Variants in RNF115 observed in about 807,000 individuals in gnomAD.
RNF115 encodes the protein ring finger protein 115, also known as E3 ubiquitin-protein ligase RNF115.
In RNF115, 31 loss-of-function variants were observed where a neutral mutation model predicts 39.2. The ratio of observed to expected loss-of-function variants is 0.79; its 90% confidence interval spans 0.59 to 1.07. RNF115 has a LOEUF of 1.07. Ranked by LOEUF, RNF115 falls within the 50% of genes least tolerant of loss-of-function variation. The pLI, the probability that RNF115 is intolerant of heterozygous loss-of-function variation, is 0.00. For synonymous variants in RNF115, 124 were observed against 131.0 expected (o/e 0.95, Z 0.37); for missense variants, 384 against 381.7 (o/e 1.01, Z -0.05).
chr1:145,750,586 T>C, intron 6 of RNF115, 86 bp from the exon 7 acceptor site: 2 of 989,318 alleles, frequency 2.0e-6, no homozygotes, highest in Non-Finnish European at 1.6e-6. Context: ...GAACAAACAG[T>C]GCAGACATTA....
chr1:145,792,856 C>T (rs587718390), intron 1 of RNF115, among the ~76,000 whole-genome samples: 2 of 152,152 alleles, frequency 1.3e-5, no homozygotes, highest in African/African-American at 4.8e-5. Context: ...AGAAACTCAA[C>T]CTTTTTTCTC....
intron 1 of RNF115, among the ~76,000 whole-genome samples, chr1:145,794,253 C>G (rs1648828922): frequency 6.6e-6 from 1 of 152,100 alleles, no homozygotes; most frequent in African/African-American, 2.4e-5. Context: ...TGTCATTACC[C>G]AGCTTAAAAT....
intron 3 of RNF115, among the ~76,000 whole-genome samples, chr1:145,775,396 C>CTT (rs782425915): frequency 6.6e-5 from 9 of 137,092 alleles, no homozygotes; most frequent in East Asian, 2.1e-4. Context: ...TGAATGTGGC[C>CTT]TTTTTTTTTT....
In RNF115 at chr1:145,751,514, T is replaced by C; in HGVS notation, c.501-4A>G. ...GTTGGAGTGCAGCATCCCGCTCCTA[T>C]ACGTGAGATGAGATAGACAGCATTA... On this transcript the variant is annotated splice_region_variant and splice_polypyrimidine_tract_variant and intron_variant, in intron 5 of 8. Coordinates refer to ENST00000582693, the MANE Select transcript of RNF115 (RefSeq NM_014455.4). 6.3e-7 allele frequency: 1 copy of C among 1,591,360 alleles called. No individual in the cohort carries two copies. Among genetic ancestry groups the C allele is most frequent in the Non-Finnish European group, 8.6e-7 (1 of 1,166,776 alleles).
At chr1:145,752,447 C>A (rs1658120373) in intron 5 of RNF115, among the ~76,000 whole-genome samples, 1 of 151,904 alleles carries the variant, frequency 6.6e-6, no homozygotes, top group South Asian at 2.1e-4. Flanking sequence ...TTTCTAGCAC[C>A]CAAACATCCT....
rs587756627 is a variant in RNF115 at position 145,792,038 on chromosome 1, C to A, written c.103-3072G>T. Among the ~76,000 whole-genome samples the A allele has an allele frequency of 3.9e-5, 6 of 152,030 alleles. No homozygotes were observed. The East Asian group carries it at 1.2e-3, about 30-fold the overall frequency. On this transcript the variant is annotated intron_variant, in intron 1 of 8. Transcript: ENST00000582693. ...CCTTGACCTCCAGGGCTCAGGCAAT[C>A]CTGCCGGCCTCAGCTGGGACCACAG...
At chr1:145,763,903 C>T (rs1304790916) in intron 4 of RNF115, among the ~76,000 whole-genome samples, 9 of 106,632 alleles carry the variant, frequency 8.4e-5, no homozygotes, top group African/African-American at 2.5e-4. Flanking sequence ...TCCCCCTCCC[C>T]CTCTCCCTCT....
At chr1:145,794,636 G>A (rs1172161327) in intron 1 of RNF115, among the ~76,000 whole-genome samples, 2 of 149,762 alleles carry the variant, frequency 1.3e-5, no homozygotes, top group East Asian at 2.0e-4. Flanking sequence ...TTCTGTGTCC[G>A]GAATTTATTC....
chr1:145,766,614 G>A (rs1553714887), intron 4 of RNF115, among the ~76,000 whole-genome samples: 3 of 150,412 alleles, frequency 2.0e-5, no homozygotes, highest in South Asian at 2.1e-4. Flanking sequence ...GCGGCTGGCC[G>A]GGCGGGGGGC....
At chr1:145,786,950 G>T in intron 2 of RNF115, 2 of 710,350 alleles carry the variant, frequency 2.8e-6, no homozygotes, top group Non-Finnish European at 4.3e-6. Context: ...TGCCCCAGAA[G>T]CTCCAGCTTA....
At chr1:145,815,150 G>C (rs1553723333) in intron 1 of RNF115, among the ~76,000 whole-genome samples, 2 of 152,302 alleles carry the variant, frequency 1.3e-5, no homozygotes, top group African/African-American at 2.4e-5. Context: ...TCCTGTATTA[G>C]AGTTATTGCA....
intron 1 of RNF115, among the ~76,000 whole-genome samples, chr1:145,822,228 C>T (rs1310009849): frequency 2.0e-5 from 3 of 151,366 alleles, no homozygotes; most frequent in Non-Finnish European, 4.4e-5. Context: ...ACCCGGAGGC[C>T]GAGGCAGGAG....
intron 7 of RNF115, among the ~76,000 whole-genome samples, chr1:145,749,006 C>T (rs1363124214): frequency 6.6e-6 from 1 of 152,118 alleles, no homozygotes; most frequent in African/African-American, 2.4e-5. Flanking sequence ...TAGCTCAGGT[C>T]ACCAAATCAA....
At chr1:145,800,425 C>A (rs1476702950) in intron 1 of RNF115, among the ~76,000 whole-genome samples, 3 of 152,126 alleles carry the variant, frequency 2.0e-5, no homozygotes, top group Non-Finnish European at 2.9e-5. Context: ...GTGACCTTCC[C>A]ACTCCCTTTA....
chr1:145,769,669 T>C (rs1235191757), intron 4 of RNF115, among the ~76,000 whole-genome samples: 1 of 151,602 alleles, frequency 6.6e-6, no homozygotes, highest in Non-Finnish European at 1.5e-5. Flanking sequence ...ATACAGCAAG[T>C]TTTCCCAGTT....
At chr1:145,754,920 TA>T (rs1658241099) in intron 4 of RNF115, among the ~76,000 whole-genome samples, 1 of 152,090 alleles carries the variant, frequency 6.6e-6, no homozygotes, top group Non-Finnish European at 1.5e-5. Flanking sequence ...GCAGAATTGA[TA>T]ATCTGTGACT....
At chr1:145,792,363 T>C (rs1648714727) in intron 1 of RNF115, among the ~76,000 whole-genome samples, 1 of 148,596 alleles carries the variant, frequency 6.7e-6, no homozygotes, top group Non-Finnish European at 1.5e-5. Context: ...TGGGGTCTCA[T>C]TCTGTCACCT....
chr1:145,756,827 GCTTC>G (rs1221461752), intron 4 of RNF115, among the ~76,000 whole-genome samples: 8 of 81,826 alleles, frequency 9.8e-5, no homozygotes, highest in Non-Finnish European at 1.9e-4. Context: ...CAAATTTCTA[GCTTC>G]TTTTTTTTTT....
At chr1:145,773,903 T>A (rs1008888092) in intron 3 of RNF115, 4 of 151,980 alleles carry the variant, frequency 2.6e-5, no homozygotes, top group African/African-American at 7.3e-5. Flanking sequence ...GAGTGTCCAC[T>A]CTCTGGAATC....
Sources: allele counts gnomAD v4.1 joint callset (sites outside exome capture counted in the v4.1 genomes callset), GRCh38; gene constraint gnomAD v4.1.1; transcripts MANE v1.5; gene names NCBI Gene and HGNC (gene_info 2026-07-23, HGNC 2026-07-21).